NLGN4Y: variants seen among roughly 807,000 people sequenced by gnomAD.
NLGN4Y encodes the protein neuroligin 4 Y-linked, also known as neuroligin-4, Y-linked.
NLGN4Y carries 4 observed loss-of-function variants against 8.4 expected under a neutral mutation model. The observed-to-expected ratio is 0.48, with a 90% confidence interval of 0.23 to 1.09. NLGN4Y has a LOEUF of 1.09. Among genes scored for constraint, NLGN4Y ranks in the 50% least tolerant of loss-of-function variants. The probability of loss-of-function intolerance (pLI) is 0.19; values close to 1 mark genes in which losing one functional copy is unlikely to be tolerated. For synonymous variants in NLGN4Y, 35 were observed against 75.6 expected (o/e 0.46, Z 2.78); for missense variants, 90 against 192.3 (o/e 0.47, Z 3.15).
At chrY:14,781,080 A>G (rs2042942497) in intron 4 of NLGN4Y, among the ~76,000 whole-genome samples, 1 of 33,769 alleles carries the variant, frequency 3.0e-5, no homozygotes. Flanking sequence ...TCTGTGGTAG[A>G]AAAAGAAAAT....
At chrY:14,593,757 G>A in intron 1 of NLGN4Y, among the ~76,000 whole-genome samples, 1 of 33,315 alleles carries the variant, frequency 3.0e-5, no homozygotes, top group Non-Finnish European at 7.4e-5. Context: ...GTCAGTGTAA[G>A]ATTCCCACCT....
At chrY:14,792,851 AGTGT>A (rs1569375425) in intron 4 of NLGN4Y, among the ~76,000 whole-genome samples, 20 of 9,095 alleles carry the variant, frequency 2.2e-3, no homozygotes, top group Middle Eastern at 0.091. Flanking sequence ...AGAGAGAGAG[AGTGT>A]GTGTGTGTGT....
chrY:14,595,112 T>C (rs2080389457), intron 1 of NLGN4Y, among the ~76,000 whole-genome samples: 1 of 33,640 alleles, frequency 3.0e-5, no homozygotes, highest in Non-Finnish European at 7.4e-5. Flanking sequence ...GACATCTATG[T>C]ACCTATCAGG....
At chrY:14,832,548 T>C (rs2043183296) in intron 6 of NLGN4Y, among the ~76,000 whole-genome samples, 1 of 34,227 alleles carries the variant, frequency 2.9e-5, no homozygotes, top group Non-Finnish European at 7.3e-5. Context: ...CAGAGTGGCT[T>C]ATGCCTGTAA....
At chrY:14,734,574 G>A (rs369857739) in intron 4 of NLGN4Y, among the ~76,000 whole-genome samples, 8 of 33,579 alleles carry the variant, frequency 2.4e-4, no homozygotes, top group African/African-American at 9.3e-4. Context: ...GTTCATTTAA[G>A]GAATGTCTTT....
Position 14,841,126 on chromosome Y carries a change from C to T in NLGN4Y, c.2375C>T (p.Pro792Leu). ...CTGCGCCGGTCGCCGGATGACATCC[C>T]ATTTATGACGCCAAACACCATCACC... is the stretch of plus-strand genomic sequence containing the variant. ...LTLRRSPDDI[P>L]FMTPNTITMI... is the part of the protein sequence containing the mutation. Residue 792 changes from proline (P) to leucine (L), a missense_variant, in exon 7 of 7, where the codon CCA (proline) becomes CTA (leucine). Physicochemically the swap from Pro to Leu is moderately conservative, Grantham distance 98. Around this residue, in one of 4 missense-constraint regions of NLGN4Y, gnomAD observed 37 missense variants for 94.0 expected, o/e 0.39. Transcript: ENST00000684976. 2.5e-6 allele frequency: 1 copy of T among 396,619 alleles called. No homozygotes were observed. Among genetic ancestry groups the T allele is most frequent in the Non-Finnish European group, 3.5e-6 (1 of 283,291 alleles).
chrY:14,714,120 TTG>T (rs2080907517), intron 2 of NLGN4Y, among the ~76,000 whole-genome samples: 4 of 32,112 alleles, frequency 1.2e-4, no homozygotes, highest in Non-Finnish European at 3.1e-4. Flanking sequence ...TTGGGCTTCT[TTG>T]TGTGTGTGTG....
intron 4 of NLGN4Y, among the ~76,000 whole-genome samples, chrY:14,822,447 A>T (rs910752447): frequency 5.9e-5 from 2 of 34,157 alleles, no homozygotes; most frequent in African/African-American, 1.1e-4. Flanking sequence ...GATTCACAGC[A>T]TGTTGAAAAT....
chrY:14,542,985 G>A, intron 1 of NLGN4Y, among the ~76,000 whole-genome samples: 2 of 30,346 alleles, frequency 6.6e-5, no homozygotes, highest in Non-Finnish European at 1.6e-4. Flanking sequence ...TGTGGTGGGG[G>A]TGGGGGGCAA....
chrY:14,565,819 C>T (rs2080249496), intron 1 of NLGN4Y, among the ~76,000 whole-genome samples: 1 of 33,407 alleles, frequency 3.0e-5, no homozygotes, highest in East Asian at 7.8e-4. Context: ...AACAGCAGAT[C>T]TCTCTGCAGA....
intron 5 of NLGN4Y, among the ~76,000 whole-genome samples, chrY:14,829,028 AC>A (rs2043160583): frequency 3.0e-5 from 1 of 33,019 alleles, no homozygotes; most frequent in Non-Finnish European, 7.4e-5. Flanking sequence ...AAAAAAAAAA[AC>A]AAAAACAAAA....
intron 4 of NLGN4Y, chrY:14,751,537 G>C: frequency 3.1e-5 from 1 of 32,194 alleles, no homozygotes; most frequent in East Asian, 8.1e-4. Context: ...GCATCTGTTT[G>C]TTTTTGATTA....
At chrY:14,758,128 G>C in intron 4 of NLGN4Y, among the ~76,000 whole-genome samples, 2 of 33,655 alleles carry the variant, frequency 5.9e-5, no homozygotes, top group East Asian at 1.6e-3. Context: ...CAGAAAATTG[G>C]TTATCATATA....
At chrY:14,734,603 C>T in intron 4 of NLGN4Y, among the ~76,000 whole-genome samples, 1 of 33,623 alleles carries the variant, frequency 3.0e-5, no homozygotes, top group African/African-American at 1.2e-4. Flanking sequence ...GATGTCATTA[C>T]ACATGTTTCC....
intron 1 of NLGN4Y, among the ~76,000 whole-genome samples, chrY:14,565,752 G>C (rs978358882): frequency 1.2e-4 from 4 of 33,171 alleles, no homozygotes; most frequent in Non-Finnish European, 3.0e-4. Context: ...AGGAAAAAAT[G>C]TTAAGGGCAG....
At chrY:14,809,316 A>G (rs2043069067) in intron 4 of NLGN4Y, among the ~76,000 whole-genome samples, 1 of 32,499 alleles carries the variant, frequency 3.1e-5, no homozygotes, top group Non-Finnish European at 7.5e-5. Context: ...TCTGCAAAAA[A>G]TACAAAAATT....
At chrY:14,537,603 A>G (rs2080137536) in intron 1 of NLGN4Y, among the ~76,000 whole-genome samples, 1 of 32,866 alleles carries the variant, frequency 3.0e-5, no homozygotes, top group Admixed American at 2.8e-4. Context: ...TCCCCATCCC[A>G]CCTCACATCT....
chrY:14,731,820 C>A, intron 4 of NLGN4Y, among the ~76,000 whole-genome samples: 1 of 33,100 alleles, frequency 3.0e-5, no homozygotes, highest in Non-Finnish European at 7.4e-5. Context: ...AATGCAGATA[C>A]CAGAGATTCT....
chrY:14,681,169 G>C (rs987641415), intron 2 of NLGN4Y, among the ~76,000 whole-genome samples: 12 of 33,392 alleles, frequency 3.6e-4, no homozygotes, highest in South Asian at 6.5e-4. Context: ...CTTTTATAAA[G>C]AAATACCTAA....
Sources: allele counts gnomAD v4.1 joint callset (sites outside exome capture counted in the v4.1 genomes callset), GRCh38; gene constraint gnomAD v4.1.1; regional missense constraint gnomAD v4.1.1; transcripts MANE v1.5; gene names NCBI Gene and HGNC (gene_info 2026-07-23, HGNC 2026-07-21).